Variants in SORCS3 observed in about 807,000 individuals in gnomAD.
The protein encoded by SORCS3 is sortilin related VPS10 domain containing receptor 3.
A neutral mutation model predicts 146.3 loss-of-function variants in SORCS3; 57 were observed. The observed-to-expected ratio is 0.39, with a 90% CI of 0.31 to 0.49. The LOEUF is 0.49. Among genes scored for constraint, SORCS3 ranks in the 20% least tolerant of loss-of-function variants. The probability of loss-of-function intolerance (pLI) is 0.92; values close to 1 mark genes in which losing one functional copy is unlikely to be tolerated. For missense variants in SORCS3, 1,341 were observed against 1,575.5 expected (o/e 0.85, Z 2.52); for synonymous variants, 653 against 618.5 (o/e 1.06, Z -0.83).
chr10:104,748,951 C>T (rs900119519), intron 1 of SORCS3, among the ~76,000 whole-genome samples: 5 of 152,172 alleles, frequency 3.3e-5, no homozygotes, highest in African/African-American at 1.2e-4. Flanking sequence ...ATCCAGTTTT[C>T]CCAGCTGTGG....
rs547003469 is a variant in SORCS3 at position 104,964,748 on chromosome 10, G to A, written c.796-12587G>A. Among the ~76,000 whole-genome samples, 44 of 152,016 alleles carry A rather than the reference G, an allele frequency of 2.9e-4. 1 individual carries two copies. The highest frequency in any genetic ancestry group is 1.0e-3 in the South Asian group (5 of 4,814). On this transcript the variant is annotated intron_variant, in intron 3 of 26. Transcript: ENST00000369701. ...ATATACAAATAATATGCAATTTGCC[G>A]TCTTCCCATTTTTAAGTGTACAGTT...
chr10:104,705,860 G>A (rs772875453), intron 1 of SORCS3, among the ~76,000 whole-genome samples: 6 of 152,190 alleles, frequency 3.9e-5, no homozygotes, highest in African/African-American at 1.2e-4. Context: ...CCAGGAAGTC[G>A]AGAACTTCTG....
chr10:105,260,758 A>C (rs1434799216), intron 25 of SORCS3, among the ~76,000 whole-genome samples: 2 of 152,114 alleles, frequency 1.3e-5, no homozygotes, highest in Non-Finnish European at 2.9e-5. Flanking sequence ...AAGGACAACA[A>C]AGTGATTTTC....
At chr10:105,093,830 T>A (rs2055726697) in intron 6 of SORCS3, among the ~76,000 whole-genome samples, 1 of 152,166 alleles carries the variant, frequency 6.6e-6, no homozygotes, top group Non-Finnish European at 1.5e-5. Flanking sequence ...ATTTTGGTAG[T>A]TTGTTATAAA....
intron 1 of SORCS3, among the ~76,000 whole-genome samples, chr10:104,660,994 T>G (rs919695849): frequency 2.0e-5 from 3 of 152,242 alleles, no homozygotes; most frequent in Non-Finnish European, 4.4e-5. Context: ...TTTTTCCTTT[T>G]TAAATTTTAT....
intron 8 of SORCS3, among the ~76,000 whole-genome samples, chr10:105,145,143 T>A (rs1394214803): frequency 6.6e-6 from 1 of 151,980 alleles, no homozygotes; most frequent in Non-Finnish European, 1.5e-5. Context: ...CAAGTCTGCA[T>A]GCTATTAAGA....
At chr10:104,910,853 A>G (rs1466497003) in intron 2 of SORCS3, among the ~76,000 whole-genome samples, 1 of 152,212 alleles carries the variant, frequency 6.6e-6, no homozygotes, top group African/African-American at 2.4e-5. Context: ...CTCATGCGCC[A>G]CCTTCCAGGT....
intron 4 of SORCS3, among the ~76,000 whole-genome samples, chr10:104,996,701 C>T (rs572517423): frequency 4.6e-5 from 7 of 152,132 alleles, no homozygotes; most frequent in African/African-American, 1.7e-4. Flanking sequence ...TAACTTTAAT[C>T]TGGAAAATGG....
chr10:104,826,275 T>C (rs1029995149), intron 1 of SORCS3, among the ~76,000 whole-genome samples: 1 of 152,222 alleles, frequency 6.6e-6, no homozygotes, highest in Non-Finnish European at 1.5e-5. Flanking sequence ...TGGCCCTTCC[T>C]GTATTTGTTC....
chr10:104,887,735 T>A, intron 2 of SORCS3, among the ~76,000 whole-genome samples: 1 of 152,192 alleles, frequency 6.6e-6, no homozygotes, highest in East Asian at 1.9e-4. Flanking sequence ...TACTACCACT[T>A]CTGATAGTTG....
At chr10:104,727,446 G>T (rs1033651507) in intron 1 of SORCS3, among the ~76,000 whole-genome samples, 1 of 151,434 alleles carries the variant, frequency 6.6e-6, no homozygotes, top group Admixed American at 6.6e-5. Context: ...CCTTCTGTTT[G>T]TCCAGTCATC....
At chr10:105,073,637 G>C (rs1449326262) in intron 5 of SORCS3, among the ~76,000 whole-genome samples, 1 of 152,118 alleles carries the variant, frequency 6.6e-6, no homozygotes, top group Non-Finnish European at 1.5e-5. Context: ...TTCAGTTCTG[G>C]GGCAGGGAGT....
intron 1 of SORCS3, among the ~76,000 whole-genome samples, chr10:104,741,675 C>T (rs78905763): frequency 0.024 from 462 of 19,592 alleles, 3 homozygotes; most frequent in African/African-American, 0.087. Flanking sequence ...TTTATTGTTT[C>T]TTTCCTCTTT....
intron 2 of SORCS3, among the ~76,000 whole-genome samples, chr10:104,885,799 C>T (rs766025653): frequency 3.3e-5 from 5 of 152,072 alleles, no homozygotes; most frequent in African/African-American, 1.2e-4. Flanking sequence ...TGACATTTTT[C>T]CTTAATAGTT....
In SORCS3 at chr10:105,147,736, C is replaced by T. The variant is rs1324164101; in HGVS notation, c.1422C>T (p.Ala474=). Reference sequence around the variant, plus strand: ...CGCGTGGGATTTACTTCACTCTGGCCATGGAGAACATCAAGAGCAGCAGAG... The same window carrying T: ...CGCGTGGGATTTACTTCACTCTGGCTATGGAGAACATCAAGAGCAGCAGAG... ...SDTRGIYFTL[A]MENIKSSRGL... is the part of the protein sequence containing the mutation. Residue 474 remains alanine (A), a synonymous_variant, in exon 9 of 27, where the codon GCC becomes GCT. Transcript: ENST00000369701. The T allele has an allele frequency of 1.9e-6, 3 of 1,613,064 alleles. No homozygotes were observed. The highest frequency in any genetic ancestry group is 1.7e-5 in the Admixed American group (1 of 59,928).
At chr10:104,844,199 G>C (rs1044305159) in intron 2 of SORCS3, among the ~76,000 whole-genome samples, 8 of 152,046 alleles carry the variant, frequency 5.3e-5, no homozygotes, top group African/African-American at 1.9e-4. Flanking sequence ...AGCATGCCTC[G>C]AACAAATGAA....
At chr10:104,987,746 C>A (rs1247667202) in intron 4 of SORCS3, among the ~76,000 whole-genome samples, 1 of 152,102 alleles carries the variant, frequency 6.6e-6, no homozygotes, top group Non-Finnish European at 1.5e-5. Flanking sequence ...ACGCACCCAC[C>A]ATAGGTAGAT....
intron 1 of SORCS3, among the ~76,000 whole-genome samples, chr10:104,799,728 T>G (rs1364877591): frequency 6.6e-6 from 1 of 151,692 alleles, no homozygotes; most frequent in Non-Finnish European, 1.5e-5. Context: ...CAGGCTGGAG[T>G]GCAGTGGTGC....
At chr10:105,177,713 G>C (rs942257459) in intron 13 of SORCS3, among the ~76,000 whole-genome samples, 1 of 152,138 alleles carries the variant, frequency 6.6e-6, no homozygotes, top group Non-Finnish European at 1.5e-5. Flanking sequence ...CTCAGTTTGT[G>C]TCAGAACCTC....
Sources: allele counts gnomAD v4.1 joint callset (sites outside exome capture counted in the v4.1 genomes callset), GRCh38; gene constraint gnomAD v4.1.1; transcripts MANE v1.5; gene names NCBI Gene and HGNC (gene_info 2026-07-23, HGNC 2026-07-21).